Variants in ADGRG4 observed in about 807,000 individuals in gnomAD.
ADGRG4 encodes the protein G protein-coupled receptor 112.
A neutral mutation model predicts 126.2 loss-of-function variants in ADGRG4; 122 were observed. That is an observed-to-expected ratio of 0.97 (90% confidence interval 0.83 to 1.12). The LOEUF (loss-of-function observed/expected upper bound fraction) is 1.12. Among genes scored for constraint, ADGRG4 ranks in the 50% most tolerant of loss-of-function variants. The pLI is 0.00. For synonymous variants in ADGRG4, 943 were observed against 838.7 expected (o/e 1.12, Z -2.15); for missense variants, 2,481 against 2,251.8 (o/e 1.10, Z -2.06).
At chrX:136,381,128 G>A (rs1319701774) in intron 15 of ADGRG4, among the ~76,000 whole-genome samples, 1 of 111,479 alleles carries the variant, frequency 9.0e-6, no homozygotes, top group African/African-American at 3.3e-5. Context: ...TTTAGCTGTA[G>A]TCCACAAATT....
At chrX:136,387,955 T>C in intron 16 of ADGRG4, 81 bp downstream of exon 16, 2 of 935,293 alleles carry the variant, frequency 2.1e-6, no homozygotes, top group Non-Finnish European at 3.0e-6. Context: ...ATTTTCATGA[T>C]GTTCTGCTTA....
intron 23 of ADGRG4, among the ~76,000 whole-genome samples, chrX:136,411,164 C>T (rs4427320): frequency 9.0e-6 from 1 of 111,296 alleles, no homozygotes; most frequent in South Asian, 3.8e-4. Flanking sequence ...TCAAGTGATT[C>T]TCAGCCTCCC....
chrX:136,382,185 G>T (rs2075267330), intron 15 of ADGRG4, among the ~76,000 whole-genome samples: 1 of 111,082 alleles, frequency 9.0e-6, no homozygotes, highest in Non-Finnish European at 1.9e-5. Flanking sequence ...CAACAATAAG[G>T]TCATAATTAT....
intron 5 of ADGRG4, among the ~76,000 whole-genome samples, chrX:136,327,464 AAAT>A (rs201257685): frequency 2.1e-4 from 20 of 97,511 alleles, no homozygotes; most frequent in Middle Eastern, 5.2e-3. Flanking sequence ...GTGGGAAATA[AAAT>A]AATAATAATA....
Position 136,366,955 on chromosome X carries a change from G to A in ADGRG4, c.7396+3360G>A, listed in dbSNP as rs756976573. Among the ~76,000 whole-genome samples the A allele has an allele frequency of 1.3e-4, 14 of 111,067 alleles. No individual in the cohort carries two copies. In the South Asian group the frequency reaches 5.0e-3, roughly 40 times the overall value. On this transcript the variant is annotated intron_variant, in intron 13 of 25. Transcript: ENST00000394143. ...CCTTTGGGAGGGGATTAGGTCATGA[G>A]GGTGGAACCTTCATGAATGAGATTA...
Position 136,412,153 on chromosome X carries a change from C to G in ADGRG4, c.8936-112C>G, listed in dbSNP as rs901399692. ...CAAGATCAGAAAGCCAGTAATGGCC[C>G]TGGGGTTCCTTGAAAGTAGTATCTC... On this transcript the variant is annotated intron_variant, in intron 23 of 25. Coordinates refer to ENST00000394143, the MANE Select transcript of ADGRG4 (RefSeq NM_153834.4). 5.0e-5 allele frequency: 26 copies of G among 518,326 alleles called. No individual in the cohort carries two copies. The African/African-American group carries it at 6.0e-4, about 12-fold the overall frequency. The allele number at this position is 518,326 out of a possible 1,213,427, so 42.7% of individuals were successfully genotyped here.
Position 136,349,761 on chromosome X carries a change from C to T in ADGRG4, c.6055C>T (p.Pro2019Ser), listed in dbSNP as rs749382467. The T allele has an allele frequency of 6.7e-5, 81 of 1,207,510 alleles. No individual in the cohort carries two copies. Among genetic ancestry groups the T allele is most frequent in the Non-Finnish European group, 8.8e-5 (79 of 893,951 alleles). Residue 2019 changes from proline (P) to serine (S), a missense_variant, in exon 6 of 26, where the codon CCT becomes TCT. Physicochemically the swap from Pro to Ser is moderately conservative, Grantham distance 74. Coordinates refer to ENST00000394143, the MANE Select transcript of ADGRG4 (RefSeq NM_153834.4). ...WLLSSLPSGS[P>S]PATVSNAPHV... ...CTTATCTAGTCTCCCTTCTGGCTCC[C>T]CTCCGGCAACTGTATCTAATGCCCC...
chrX:136,404,358 C>A (rs2075394285), intron 22 of ADGRG4, among the ~76,000 whole-genome samples: 1 of 111,240 alleles, frequency 9.0e-6, no homozygotes, highest in Non-Finnish European at 1.9e-5. Flanking sequence ...AAAATCAGAA[C>A]AAAATCAACT....
intron 13 of ADGRG4, 116 bp from the exon 14 acceptor site, chrX:136,371,212 A>C: frequency 2.3e-6 from 1 of 430,716 alleles, no homozygotes; most frequent in Non-Finnish European, 3.9e-6. Context: ...CTGTAAACAC[A>C]TTACCTTGGT....
intron 4 of ADGRG4, among the ~76,000 whole-genome samples, chrX:136,309,817 A>C (rs1016081820): frequency 8.9e-6 from 1 of 112,151 alleles, no homozygotes; most frequent in African/African-American, 3.2e-5. Flanking sequence ...CCTCAAGGGC[A>C]AGAAACTGTA....
chrX:136,380,544 C>CTCCTCT (rs1397407065), intron 15 of ADGRG4, among the ~76,000 whole-genome samples: 8 of 103,448 alleles, frequency 7.7e-5, no homozygotes, highest in Non-Finnish European at 1.2e-4. Context: ...CCTCCTCCTC[C>CTCCTCT]TCTTCTTCTT....
intron 4 of ADGRG4, among the ~76,000 whole-genome samples, chrX:136,316,842 C>T (rs2074808045): frequency 9.0e-6 from 1 of 111,534 alleles, no homozygotes; most frequent in East Asian, 2.8e-4. Flanking sequence ...CTCCCTTGAT[C>T]TTTTGCTAAA....
intron 13 of ADGRG4, among the ~76,000 whole-genome samples, chrX:136,365,253 A>G (rs769613616): frequency 9.0e-6 from 1 of 111,561 alleles, no homozygotes; most frequent in Non-Finnish European, 1.9e-5. Flanking sequence ...CACCCCAAAA[A>G]GAAACCCTGT....
At chrX:136,342,897 T>TGC (rs2074987628) in intron 5 of ADGRG4, among the ~76,000 whole-genome samples, 1 of 75,554 alleles carries the variant, frequency 1.3e-5, no homozygotes, top group Non-Finnish European at 2.5e-5. Flanking sequence ...TGTGTGTGTG[T>TGC]GTGTGTGTGT....
chrX:136,346,095 C>A lies in ADGRG4; in HGVS notation c.2389C>A (p.Pro797Thr), dbSNP rs747025842. Residue 797 changes from proline (P) to threonine (T), a missense_variant, in exon 6 of 26, where the codon CCA becomes ACA. Transcript: ENST00000394143. ...AATATCTACTCTTGCTTGCATTCAA[C>A]CAAATTTTTCTACTGAGGAAAGTGC... ...DIISTLACIQ[P>T]NFSTEESASE... is the part of the protein sequence containing the mutation. 8.3e-7 allele frequency: 1 copy of A among 1,209,929 alleles called. No homozygotes were observed. The highest frequency in any genetic ancestry group is 1.1e-6 in the Non-Finnish European group (1 of 894,245).
In ADGRG4 at chrX:136,347,885, T is replaced by G; in HGVS notation, c.4179T>G (p.Thr1393=). 1 of 1,210,207 alleles carries G rather than the reference T, an allele frequency of 8.3e-7. No individual in the cohort carries two copies. Among genetic ancestry groups the G allele is most frequent in the Non-Finnish European group, 1.1e-6 (1 of 894,403 alleles). The part of the protein sequence containing the change: ...TSALPAYTPR[T]VEMIVNSTYV... ...CCCTTCCAGCATATACTCCCAGGAC[T>G]GTGGAAATGATAGTAAACTCCACCT... Residue 1393 remains threonine, a synonymous_variant, in exon 6 of 26, where the codon ACT becomes ACG. Transcript: ENST00000394143.
intron 6 of ADGRG4, 40 bp downstream of exon 6, chrX:136,350,473 T>C (rs1357643700): frequency 7.0e-6 from 8 of 1,140,029 alleles, no homozygotes; most frequent in Non-Finnish European, 9.4e-6. Context: ...CCCAACAGAA[T>C]TCATGCACTA....
At chrX:136,369,989 A>T (rs2075183242) in intron 13 of ADGRG4, among the ~76,000 whole-genome samples, 1 of 111,850 alleles carries the variant, frequency 8.9e-6, no homozygotes, top group Non-Finnish European at 1.9e-5. Context: ...GAAAGAAAAC[A>T]AAGAGGAAAA....
chrX:136,336,272 A>G (rs1190021117), intron 5 of ADGRG4, among the ~76,000 whole-genome samples: 1 of 111,012 alleles, frequency 9.0e-6, no homozygotes, highest in Admixed American at 9.6e-5. Context: ...GGCCCAGTGT[A>G]TGGTCTATGT....
Sources: gnomAD v4.1 joint callset for allele counts (sites outside exome capture counted in the v4.1 genomes callset) on GRCh38, gnomAD v4.1.1 for gene constraint, MANE v1.5 for transcripts, NCBI Gene and HGNC (gene_info 2026-07-23, HGNC 2026-07-21) for gene names.